The following RRAGD variants were observed in gnomAD, a reference collection of about 807,000 sequenced individuals.
RRAGD encodes Ras related GTP binding D, also known as ras-related GTP-binding protein D.
Under a neutral mutation model 35.5 loss-of-function variants are expected in RRAGD, and 12 were observed. The observed-to-expected ratio is 0.34, with a 90% CI of 0.22 to 0.55. RRAGD has a LOEUF of 0.55. Ranked by LOEUF, RRAGD falls within the 20% of genes least tolerant of loss-of-function variation. The pLI is 0.91. For synonymous variants in RRAGD, 155 were observed against 178.9 expected (o/e 0.87, Z 1.07); for missense variants, 324 against 490.1 (o/e 0.66, Z 3.20).
At position 89,406,133 on chromosome 6, in the gene RRAGD, T is replaced by C. The variant is rs545887472; in HGVS notation, c.148+5713A>G. Among the ~76,000 whole-genome samples the C allele has an allele frequency of 6.6e-5, 10 of 152,316 alleles. No individual in the cohort carries two copies. In the South Asian group the frequency reaches 2.1e-3, roughly 32 times the overall value. On this transcript the variant is annotated intron_variant, in intron 1 of 6. Transcript: ENST00000369415. The stretch of plus-strand genomic sequence containing the variant: ...ACTGGCAAATAACTAAAAAACATGA[T>C]AAATACCACATATGAATATTTCCTT...
At chr6:89,404,832 A>G (rs1458306944) in intron 1 of RRAGD, among the ~76,000 whole-genome samples, 2 of 152,174 alleles carry the variant, frequency 1.3e-5, no homozygotes, top group Non-Finnish European at 2.9e-5. Context: ...GAAACCAGAA[A>G]TCAGGAAAAT....
At chr6:89,379,153 G>T in intron 4 of RRAGD, 71 bp downstream of exon 4, 1 of 750,028 alleles carries the variant, frequency 1.3e-6, no homozygotes. Context: ...TCGGAAATAA[G>T]ATCTTTTTCA....
rs1180865205 is a variant in RRAGD at position 89,411,109 on chromosome 6, T to C, written c.148+737A>G. The stretch of plus-strand genomic sequence containing the variant: ...CTGAACGATTGCTAAAACCCGCTTC[T>C]AGAACAGGAAAAAGAGTTTGCTTCA... On this transcript the variant is annotated intron_variant, in intron 1 of 6. Transcript: ENST00000369415. The surrounding 1 kb of genome is among the most constrained non-coding windows in gnomAD (Gnocchi z 5.6). 6.6e-6 allele frequency among the ~76,000 whole-genome samples: 1 copy of C among 152,206 alleles called. No individual in the cohort carries two copies. Among genetic ancestry groups the C allele is most frequent in the African/African-American group, 2.4e-5 (1 of 41,442 alleles).
chr6:89,391,844 C>A (rs1027754564), intron 1 of RRAGD, among the ~76,000 whole-genome samples: 11 of 151,410 alleles, frequency 7.3e-5, no homozygotes, highest in Non-Finnish European at 1.5e-4. Flanking sequence ...GTAGTCCCAG[C>A]TACTCTAAGA....
chr6:89,394,611 G>C (rs777548520), intron 1 of RRAGD, among the ~76,000 whole-genome samples: 5 of 152,094 alleles, frequency 3.3e-5, no homozygotes, highest in Non-Finnish European at 5.9e-5. Flanking sequence ...CACCCAAAAT[G>C]AGTACAATGT....
intron 1 of RRAGD, 114 bp from the exon 2 acceptor site, chr6:89,387,704 C>T: frequency 9.8e-7 from 1 of 1,015,608 alleles, no homozygotes. Flanking sequence ...GCCACTCTTC[C>T]AAAGAGTGCT....
intron 1 of RRAGD, among the ~76,000 whole-genome samples, chr6:89,395,485 T>G (rs752396278): frequency 2.0e-5 from 3 of 152,182 alleles, no homozygotes; most frequent in Admixed American, 6.5e-5. Context: ...ATTTACAAAG[T>G]AAAAAGAGAC....
chr6:89,386,065 T>C (rs1016173780), intron 2 of RRAGD, among the ~76,000 whole-genome samples: 2 of 152,202 alleles, frequency 1.3e-5, no homozygotes, highest in Non-Finnish European at 2.9e-5. Context: ...CCTGTCTCAC[T>C]GTGGGTCCAC....
intron 5 of RRAGD, 24 bp from the exon 6 acceptor site, chr6:89,372,609 CAT>C (rs568983040): frequency 1.3e-5 from 19 of 1,504,462 alleles, no homozygotes; most frequent in African/African-American, 2.9e-5. Flanking sequence ...GAAACCAAAA[CAT>C]GTGACCATTG....
chr6:89,398,299 G>C (rs373114095), intron 1 of RRAGD, among the ~76,000 whole-genome samples: 10 of 152,158 alleles, frequency 6.6e-5, no homozygotes, highest in African/African-American at 1.9e-4. Flanking sequence ...ATGTGAAAAC[G>C]TATCAAATAT....
Position 89,382,400 on chromosome 6 carries a change from A to AATATATATATATATATATATATATATAT in RRAGD, c.445-2034_445-2033insATATATATATATATATATATATATATAT, listed in dbSNP as rs58343827. Among the ~76,000 whole-genome samples, 219 of 130,752 alleles carry AATATATATATATATATATATATATATAT rather than the reference A, an allele frequency of 1.7e-3. 4 individuals carry two copies. Among genetic ancestry groups the AATATATATATATATATATATATATATAT allele is most frequent in the East Asian group, 8.3e-3 (30 of 3,608 alleles). The allele number at this position is 130,752 out of a possible 152,430, so 85.8% of individuals were successfully genotyped here. A position where few individuals can be genotyped will look rare whatever the true frequency, so the allele number is the denominator to read the frequency against. On this transcript the variant is annotated intron_variant, in intron 2 of 6. Transcript: ENST00000369415. ...ACACAGTGAGACCCCTATCTCTAGA[A>AATATATATATATATATATATATATATAT]ATATATATATATATATATATATGTA...
At chr6:89,406,462 G>A (rs1471370127) in intron 1 of RRAGD, among the ~76,000 whole-genome samples, 2 of 152,004 alleles carry the variant, frequency 1.3e-5, no homozygotes, top group African/African-American at 2.4e-5. Flanking sequence ...ACACACAAGC[G>A]GCTGGACATC....
rs965234518 is a variant in RRAGD, at chr6:89,412,235, G to A, written c.-242C>T. The A allele has an allele frequency of 2.9e-4, 79 of 271,360 alleles. No homozygotes were observed. The highest frequency in any genetic ancestry group is 1.1e-3 in the Middle Eastern group (1 of 922). The allele number at this position is 271,360 out of a possible 1,614,324, so 16.8% of individuals were successfully genotyped here. On this transcript the variant is annotated 5_prime_UTR_variant, in exon 1 of 7. Transcript: ENST00000369415. The surrounding 1 kb of genome is among the most constrained non-coding windows in gnomAD (Gnocchi z 4.2). ...CGCCGGCGGAGGAGTCAGCCGGAGC[G>A]CGGCAGTTCCTCCCGGAGGAGGGAG...
chr6:89,407,359 C>T (rs1451586438), intron 1 of RRAGD, among the ~76,000 whole-genome samples: 2 of 152,060 alleles, frequency 1.3e-5, no homozygotes, highest in Non-Finnish European at 2.9e-5. Context: ...AGGAAGAGGC[C>T]GGGCGCGGTG....
chr6:89,382,258 C>G (rs1486622920), intron 2 of RRAGD, among the ~76,000 whole-genome samples: 1 of 151,832 alleles, frequency 6.6e-6, no homozygotes, highest in African/African-American at 2.4e-5. Flanking sequence ...GAGTCCTTCC[C>G]ATCCTTCACA....
Position 89,377,720 on chromosome 6 carries a change from G to A in RRAGD, c.853C>T (p.Leu285Phe). 3 of 1,612,564 alleles carry A rather than the reference G, an allele frequency of 1.9e-6. No homozygotes were observed. The highest frequency in any genetic ancestry group is 2.5e-6 in the Non-Finnish European group (3 of 1,179,452). Residue 285 changes from leucine (L) to phenylalanine (F), a missense_variant, in exon 5 of 7, where the codon CTC (leucine) becomes TTC (phenylalanine). Transcript: ENST00000369415. ...ACCACATCTATCATATCACAGCAGAGCTCATAGGTTTGCATATCCACCGGA... is the reference window on the plus strand; with the variant it reads ...ACCACATCTATCATATCACAGCAGAACTCATAGGTTTGCATATCCACCGGA... The part of the protein sequence containing the change: ...STPVDMQTYE[L>F]CCDMIDVVID...
At chr6:89,369,053 G>A (rs182651314) in intron 6 of RRAGD, among the ~76,000 whole-genome samples, 4 of 151,272 alleles carry the variant, frequency 2.6e-5, no homozygotes, top group Admixed American at 6.6e-5. Flanking sequence ...CTAGAGCCGC[G>A]TCCAAAGGAA....
rs925043550 is a variant in RRAGD at position 89,404,610 on chromosome 6, G to T, written c.148+7236C>A. On this transcript the variant is annotated intron_variant, in intron 1 of 6. Transcript: ENST00000369415. Reference sequence around the variant, plus strand: ...CCAAGGAACAGCACTATGGGGAGGGGTCATCAAATTGAGCCATTATCAGTC... The same window carrying T: ...CCAAGGAACAGCACTATGGGGAGGGTTCATCAAATTGAGCCATTATCAGTC... Among the ~76,000 whole-genome samples the T allele has an allele frequency of 2.0e-5, 3 of 152,284 alleles. No homozygotes were observed. The East Asian group carries it at 5.8e-4, about 29-fold the overall frequency.
At chr6:89,391,960 A>G (rs1448158283) in intron 1 of RRAGD, among the ~76,000 whole-genome samples, 1 of 150,116 alleles carries the variant, frequency 6.7e-6, no homozygotes, top group Non-Finnish European at 1.5e-5. Context: ...CTATCTCAAA[A>G]AAAAAAAAAA....
Sources: gnomAD v4.1 joint callset for allele counts (sites outside exome capture counted in the v4.1 genomes callset) on GRCh38, gnomAD v4.1.1 for gene constraint, Gnocchi (gnomAD v3.1) non-coding constraint, MANE v1.5 for transcripts, NCBI Gene and HGNC (gene_info 2026-07-23, HGNC 2026-07-21) for gene names.